Variants in L2HGDH observed in about 807,000 individuals in gnomAD.
The protein encoded by L2HGDH is L-2-hydroxyglutarate dehydrogenase.
L2HGDH carries 34 observed loss-of-function variants against 51.5 expected under a neutral mutation model. The observed-to-expected ratio is 0.66, with a 90% confidence interval of 0.50 to 0.88. The LOEUF is 0.88. Among genes scored for constraint, L2HGDH ranks in the 40% least tolerant of loss-of-function variants. L2HGDH has a pLI of 0.00. For missense variants in L2HGDH, 558 were observed against 571.9 expected (o/e 0.98, Z 0.25); for synonymous variants, 198 against 197.9 (o/e 1.00, Z -0.01).
intron 6 of L2HGDH, among the ~76,000 whole-genome samples, chr14:50,274,141 T>TG (rs1473553884): frequency 3.9e-5 from 6 of 152,146 alleles, no homozygotes; most frequent in Non-Finnish European, 7.4e-5. Context: ...AAGCCGGGCA[T>TG]GGCAGCACGT....
chr14:50,247,000 T>C lies in L2HGDH; in HGVS notation c.*58A>G, dbSNP rs1888041107. 1 of 1,562,910 alleles carries C rather than the reference T, an allele frequency of 6.4e-7. No individual in the cohort carries two copies. Reference sequence around the variant, plus strand: ...CATTTTTTAAATTAAAGAATGCAATTAGTACATTCTTGTTGCTGACATGAA... The same window carrying C: ...CATTTTTTAAATTAAAGAATGCAATCAGTACATTCTTGTTGCTGACATGAA... On this transcript the variant is annotated 3_prime_UTR_variant, in exon 10 of 10. Transcript: ENST00000267436.
chr14:50,259,609 A>G (rs934328130), intron 9 of L2HGDH, among the ~76,000 whole-genome samples: 9 of 151,590 alleles, frequency 5.9e-5, no homozygotes, highest in African/African-American at 2.2e-4. Context: ...CGGGTAGATC[A>G]CTTGAGGTCA....
Position 50,242,486 on chromosome 14 carries a change from G to A in L2HGDH, c.*4572C>T, listed in dbSNP as rs1887846760. The stretch of plus-strand genomic sequence containing the variant: ...TCCTTCCCATAAGCAGAAAATACAA[G>A]CAATTAACAACATCAACAACAACAA... On this transcript the variant is annotated 3_prime_UTR_variant, in exon 10 of 10. Transcript: ENST00000267436. 2 of 981,628 alleles carry A rather than the reference G, an allele frequency of 2.0e-6. No individual in the cohort carries two copies. Among genetic ancestry groups the A allele is most frequent in the Non-Finnish European group, 1.2e-6 (1 of 826,630 alleles). 60.8% of individuals were successfully genotyped at this position (981,628 alleles called of 1,614,324 possible).
chr14:50,299,584 G>T (rs1412748257), intron 3 of L2HGDH, among the ~76,000 whole-genome samples: 1 of 152,092 alleles, frequency 6.6e-6, no homozygotes, highest in Non-Finnish European at 1.5e-5. Context: ...CAAAATACTA[G>T]CAAACCAAAT....
At chr14:50,277,207 G>T (rs200466600) in intron 6 of L2HGDH, among the ~76,000 whole-genome samples, 51 of 143,984 alleles carry the variant, frequency 3.5e-4, no homozygotes, top group Middle Eastern at 3.6e-3. Flanking sequence ...TTTTTTTTTT[G>T]TTTTTTTTTT....
intron 5 of L2HGDH, chr14:50,282,555 G>T: frequency 2.2e-6 from 1 of 455,842 alleles, no homozygotes; most frequent in Middle Eastern, 3.3e-4. Context: ...TTAACTATGT[G>T]GGCTTTAGGT....
chr14:50,277,774 AAATAATAATAAT>A (rs34552494), intron 6 of L2HGDH, among the ~76,000 whole-genome samples: 25,571 of 133,356 alleles, frequency 0.19, 2,554 homozygotes, highest in Admixed American at 0.24. Flanking sequence ...CTCCGTCTCA[AAATAATAATAAT>A]AATAATAATA....
rs1205248829 is a variant in L2HGDH, at chr14:50,245,612, AAAT to A, written c.*1443_*1445del. 1.0e-6 allele frequency: 1 copy of A among 973,160 alleles called. No individual in the cohort carries two copies. Among genetic ancestry groups the A allele is most frequent in the Non-Finnish European group, 1.2e-6 (1 of 818,900 alleles). The allele number at this position is 973,160 out of a possible 1,614,324, so 60.3% of individuals were successfully genotyped here. On this transcript the variant is annotated 3_prime_UTR_variant, in exon 10 of 10. Coordinates refer to ENST00000267436, the MANE Select transcript of L2HGDH (RefSeq NM_024884.3). The stretch of plus-strand genomic sequence containing the variant: ...TTCCAAATACAAATATTGTTGCTCT[AAAT>A]AATGTGAGTTTTGTGACTCTTCAAA...
At chr14:50,273,759 C>G (rs1889821402) in intron 6 of L2HGDH, among the ~76,000 whole-genome samples, 1 of 152,044 alleles carries the variant, frequency 6.6e-6, no homozygotes, top group Admixed American at 6.6e-5. Context: ...AATTCAATAG[C>G]AAAAGAACAA....
chr14:50,249,882 C>CTTTTTTTTT (rs747924080), intron 9 of L2HGDH, among the ~76,000 whole-genome samples: 11 of 68,960 alleles, frequency 1.6e-4, no homozygotes, highest in Admixed American at 2.2e-4. Flanking sequence ...GCTTACACTC[C>CTTTTTTTTT]TTTTTTTTTT....
At chr14:50,293,617 C>G (rs978573227) in intron 4 of L2HGDH, among the ~76,000 whole-genome samples, 6 of 152,148 alleles carry the variant, frequency 3.9e-5, no homozygotes, top group Non-Finnish European at 8.8e-5. Context: ...GCAATCCCAG[C>G]ACTTTGGGAG....
At chr14:50,247,410 T>C (rs1888071116) in intron 9 of L2HGDH, among the ~76,000 whole-genome samples, 157 bp from the exon 10 acceptor site, 1 of 152,260 alleles carries the variant, frequency 6.6e-6, no homozygotes, top group Admixed American at 6.5e-5. Flanking sequence ...CTGTCAGTTG[T>C]AGCCTGTCAA....
At position 50,305,534 on chromosome 14, in the gene L2HGDH, T is replaced by C. The variant is rs1261520798; in HGVS notation, c.141-2517A>G. 3.3e-5 allele frequency among the ~76,000 whole-genome samples: 5 copies of C among 152,240 alleles called. No homozygotes were observed. In the South Asian group the frequency reaches 8.3e-4, roughly 25 times the overall value. ...CTAGGTACTTACACTGATTTACAGA[T>C]TGACCCTTTACACAACTTTCACAAT... is the stretch of plus-strand genomic sequence containing the variant. On this transcript the variant is annotated intron_variant, in intron 1 of 9. Coordinates refer to ENST00000267436, the MANE Select transcript of L2HGDH (RefSeq NM_024884.3).
At chr14:50,256,583 A>G (rs890473708) in intron 9 of L2HGDH, among the ~76,000 whole-genome samples, 2 of 152,040 alleles carry the variant, frequency 1.3e-5, no homozygotes, top group African/African-American at 4.8e-5. Context: ...CAACCTGATA[A>G]TCTGTCTTAA....
chr14:50,258,267 G>T (rs1189285930), intron 9 of L2HGDH, among the ~76,000 whole-genome samples: 1 of 151,976 alleles, frequency 6.6e-6, no homozygotes, highest in Non-Finnish European at 1.5e-5. Flanking sequence ...CCAGGCTGGA[G>T]TGCAGTGGCA....
Position 50,269,171 on chromosome 14 carries a change from T to C in L2HGDH, c.898A>G (p.Ile300Val). The part of the protein sequence containing the change: ...PEKCYLVKGN[I>V]YPVPDSRFPF... Reference sequence around the variant, plus strand: ...GAAGCATCATTACCTACCGGATAAATATTTCCTTTTACAAGATAACATTTT... The same window carrying C: ...GAAGCATCATTACCTACCGGATAAACATTTCCTTTTACAAGATAACATTTT... The change falls in exon 7 of 10, where the codon ATT (isoleucine) becomes GTT (valine). Residue 300 changes from isoleucine to valine, a missense_variant. By Grantham distance (29) the Ile-to-Val change is conservative (BLOSUM62 3). This residue lies in a region of L2HGDH where 321 missense variants were observed against 311.8 expected (regional missense o/e 1.03). Coordinates refer to ENST00000267436, the MANE Select transcript of L2HGDH (RefSeq NM_024884.3). 2 of 1,539,934 alleles carry C rather than the reference T, an allele frequency of 1.3e-6. No individual in the cohort carries two copies. Among genetic ancestry groups the C allele is most frequent in the Non-Finnish European group, 1.8e-6 (2 of 1,130,244 alleles).
At chr14:50,299,157 A>G (rs1007187058) in intron 3 of L2HGDH, among the ~76,000 whole-genome samples, 8 of 152,190 alleles carry the variant, frequency 5.3e-5, no homozygotes, top group Non-Finnish European at 1.2e-4. Context: ...CCAATACCAC[A>G]GTAATTCAAA....
intron 6 of L2HGDH, among the ~76,000 whole-genome samples, chr14:50,276,265 A>G (rs1889975385): frequency 6.6e-6 from 1 of 152,234 alleles, no homozygotes; most frequent in Non-Finnish European, 1.5e-5. Flanking sequence ...TGACCAGCTG[A>G]GATGCTTGCC....
chr14:50,248,998 G>A (rs1888174871), intron 9 of L2HGDH, among the ~76,000 whole-genome samples: 1 of 152,174 alleles, frequency 6.6e-6, no homozygotes, highest in African/African-American at 2.4e-5. Context: ...ATGCACTTGG[G>A]AAAGGGAGGG....
Sources: allele counts gnomAD v4.1 joint callset (sites outside exome capture counted in the v4.1 genomes callset), GRCh38; gene constraint gnomAD v4.1.1; regional missense constraint gnomAD v4.1.1; transcripts MANE v1.5; gene names NCBI Gene and HGNC (gene_info 2026-07-23, HGNC 2026-07-21).